The following SH3RF2 variants were observed in gnomAD, a reference collection of about 807,000 sequenced individuals.
The protein encoded by SH3RF2 is SH3 domain containing ring finger 2, also known as E3 ubiquitin-protein ligase SH3RF2.
A neutral mutation model predicts 59.0 loss-of-function variants in SH3RF2; 43 were observed. That is an observed-to-expected ratio of 0.73 (90% CI 0.57 to 0.94). SH3RF2 has a LOEUF of 0.94. Among genes scored for constraint, SH3RF2 ranks in the 40% least tolerant of loss-of-function variants. The probability of loss-of-function intolerance (pLI) is 0.00; values close to 1 mark genes in which losing one functional copy is unlikely to be tolerated. For missense variants in SH3RF2, 930 were observed against 940.1 expected, an observed-to-expected ratio of 0.99 and a Z score of 0.14; for synonymous variants, 391 against 391.5, an observed-to-expected ratio of 1.00 and a Z score of 0.01.
Position 146,047,866 on chromosome 5 carries a change from G to A in SH3RF2, c.1151+3G>A, listed in dbSNP as rs765438493. 7.4e-6 allele frequency: 12 copies of A among 1,613,694 alleles called. No individual in the cohort carries two copies. Among genetic ancestry groups the A allele is most frequent in the Non-Finnish European group, 9.3e-6 (11 of 1,179,944 alleles). ...CAGCAACACCTCTCAGCGAACATGT[G>A]AGTAAAAGGCTCATCCCTTCACCCA... is the stretch of plus-strand genomic sequence containing the variant. On this transcript the variant is annotated splice_donor_region_variant and intron_variant, in intron 6 of 9. Coordinates refer to ENST00000359120, the MANE Select transcript of SH3RF2 (RefSeq NM_152550.4).
At chr5:146,040,806 A>G (rs1448144265) in intron 5 of SH3RF2, among the ~76,000 whole-genome samples, 3 of 152,134 alleles carry the variant, frequency 2.0e-5, no homozygotes, top group African/African-American at 7.2e-5. Context: ...CTGGCTCTGA[A>G]ATAGGCGTAG....
intron 5 of SH3RF2, among the ~76,000 whole-genome samples, chr5:146,045,131 A>G (rs1054101468): frequency 7.2e-5 from 11 of 152,228 alleles, no homozygotes; most frequent in Non-Finnish European, 8.8e-5. Context: ...TTCCACATAC[A>G]TAAGCCCTGT....
chr5:146,047,644 T>A (rs1762353479), intron 5 of SH3RF2, 128 bp from the exon 6 acceptor site: 1 of 778,274 alleles, frequency 1.3e-6, no homozygotes. Flanking sequence ...GGACGCACAA[T>A]GGGTGGCACC....
Position 145,985,497 on chromosome 5 carries a change from C to A in SH3RF2, c.379-14561C>A, listed in dbSNP as rs79397006. On this transcript the variant is annotated intron_variant, in intron 2 of 9. Coordinates refer to ENST00000359120, the MANE Select transcript of SH3RF2 (RefSeq NM_152550.4). ...ACGACAGCCTATCAGCTTGTGGCAC[C>A]TTTACCTCACTGGCAATTTTGAGGA... Among the ~76,000 whole-genome samples, 660 of 152,210 alleles carry A rather than the reference C, an allele frequency of 4.3e-3. 12 individuals are homozygous for A. The highest frequency in any genetic ancestry group is 0.014 in the African/African-American group (596 of 41,530).
chr5:146,014,565 G>A (rs1046593851), intron 5 of SH3RF2, among the ~76,000 whole-genome samples: 1 of 152,154 alleles, frequency 6.6e-6, no homozygotes, highest in African/African-American at 2.4e-5. Context: ...ACATTTATAG[G>A]ACCCAGTCCA....
chr5:146,076,257 T>A (rs1476109142), intron 9 of SH3RF2, among the ~76,000 whole-genome samples: 1 of 152,134 alleles, frequency 6.6e-6, no homozygotes, highest in African/African-American at 2.4e-5. Context: ...GATGCTGTAA[T>A]CTGGGAGGGG....
intron 2 of SH3RF2, among the ~76,000 whole-genome samples, chr5:145,939,165 C>T (rs1457210738): frequency 6.6e-6 from 1 of 152,216 alleles, no homozygotes; most frequent in Non-Finnish European, 1.5e-5. Context: ...GGACATGGTC[C>T]TTGTGAGTCC....
chr5:145,952,281 A>G (rs1352406776), intron 2 of SH3RF2, among the ~76,000 whole-genome samples: 1 of 152,190 alleles, frequency 6.6e-6, no homozygotes, highest in South Asian at 2.1e-4. Context: ...AGGTCATACC[A>G]GGAAGAATTG....
intron 7 of SH3RF2, among the ~76,000 whole-genome samples, chr5:146,053,250 T>C (rs1270978705): frequency 6.6e-6 from 1 of 152,232 alleles, no homozygotes; most frequent in Non-Finnish European, 1.5e-5. Flanking sequence ...TGTCCAGCTG[T>C]TATTGACCAC....
Position 146,049,068 on chromosome 5 carries a change from T to C in SH3RF2, c.1152-7T>C. ...TCCTCCCTCACCAGTTCTCTGTGTC[T>C]TCCCAGGTTTGTAGCCCTGCACTCC... is the stretch of plus-strand genomic sequence containing the variant. On this transcript the variant is annotated splice_polypyrimidine_tract_variant and splice_region_variant and intron_variant, in intron 6 of 9. Coordinates refer to ENST00000359120, the MANE Select transcript of SH3RF2 (RefSeq NM_152550.4). 6.2e-7 allele frequency: 1 copy of C among 1,614,046 alleles called. No homozygotes were observed. Among genetic ancestry groups the C allele is most frequent in the East Asian group, 2.2e-5 (1 of 44,874 alleles).
chr5:146,045,890 T>A lies in SH3RF2; in HGVS notation c.1060-1882T>A, dbSNP rs146834068. Among the ~76,000 whole-genome samples the A allele has an allele frequency of 2.1e-3, 321 of 152,354 alleles. 2 individuals carry two copies. Among genetic ancestry groups the A allele is most frequent in the African/African-American group, 7.5e-3 (311 of 41,588 alleles). ...ATGGTAATCCTATGTTTAATCATAT[T>A]AGGAATTGCCAGACTGTTCTGCATA... On this transcript the variant is annotated intron_variant, in intron 5 of 9. Transcript: ENST00000359120.
chr5:146,001,778 G>A (rs1370671193), intron 3 of SH3RF2, among the ~76,000 whole-genome samples: 1 of 152,160 alleles, frequency 6.6e-6, no homozygotes, highest in Non-Finnish European at 1.5e-5. Context: ...ACACTGAGCT[G>A]GCAATCTAGT....
At chr5:145,987,392 A>G (rs1424827063) in intron 2 of SH3RF2, among the ~76,000 whole-genome samples, 2 of 152,124 alleles carry the variant, frequency 1.3e-5, no homozygotes, top group Non-Finnish European at 2.9e-5. Flanking sequence ...ATGCCTTTGC[A>G]TCTTCATAGC....
downstream of SH3RF2, among the ~76,000 whole-genome samples, chr5:146,067,736 T>C (rs1404774234): frequency 6.6e-6 from 1 of 152,132 alleles, no homozygotes; most frequent in African/African-American, 2.4e-5. Context: ...AAGAGGTTTG[T>C]ACTGATAGGT....
intron 3 of SH3RF2, 118 bp from the exon 4 acceptor site, chr5:146,003,940 A>C: frequency 1.5e-6 from 1 of 687,272 alleles, no homozygotes; most frequent in Non-Finnish European, 2.3e-6. Context: ...CAAATAAATC[A>C]AGCACAAGCT....
rs978195660 is a variant in SH3RF2, at chr5:145,963,030, T to G, written c.378+24724T>G. On this transcript the variant is annotated intron_variant, in intron 2 of 9. Coordinates refer to ENST00000359120, the MANE Select transcript of SH3RF2 (RefSeq NM_152550.4). The stretch of plus-strand genomic sequence containing the variant: ...CTCCTGTCTCAGCCACCCGAGTAGC[T>G]GGGACTACATGCAGCTGCCACCACA... Among the ~76,000 whole-genome samples, 5 of 151,592 alleles carry G rather than the reference T, an allele frequency of 3.3e-5. No homozygotes were observed. The South Asian group carries it at 1.0e-3, about 32-fold the overall frequency.
In SH3RF2 at chr5:145,964,340, T is replaced by C. The variant is rs1368343572; in HGVS notation, c.378+26034T>C. Among the ~76,000 whole-genome samples the C allele has an allele frequency of 3.4e-5, 5 of 147,680 alleles. No individual in the cohort carries two copies. The East Asian group carries it at 9.9e-4, about 29-fold the overall frequency. ...TTTTTTTTTTTTGACAGAGTCTTGC[T>C]CTGTTGCCCAAGCTGGAGTGCAGTG... is the stretch of plus-strand genomic sequence containing the variant. On this transcript the variant is annotated intron_variant, in intron 2 of 9. Transcript: ENST00000359120.
At position 146,047,838 on chromosome 5, in the gene SH3RF2, T is replaced by G. The variant is rs761220336; in HGVS notation, c.1126T>G (p.Ser376Ala). The G allele has an allele frequency of 2.5e-6, 4 of 1,614,086 alleles. No homozygotes were observed. The Admixed American group carries it at 6.7e-5, about 27-fold the overall frequency. ...HSTAVVSLPGSQQHLSANMFV... is the reference protein window; with the variant it reads ...HSTAVVSLPGAQQHLSANMFV... ...CACAGCCGTGGTCAGTCTGCCTGGC[T>G]CCCAGCAACACCTCTCAGCGAACAT... The change falls in exon 6 of 10, where the codon TCC (serine) becomes GCC (alanine). Residue 376 changes from serine to alanine, a missense_variant. Transcript: ENST00000359120.
At chr5:145,992,244 G>A (rs1259285440) in intron 2 of SH3RF2, among the ~76,000 whole-genome samples, 1 of 152,048 alleles carries the variant, frequency 6.6e-6, no homozygotes, top group Non-Finnish European at 1.5e-5. Flanking sequence ...GCGTGGTGGT[G>A]CACACCTGTA....
Sources: allele counts gnomAD v4.1 joint callset (sites outside exome capture counted in the v4.1 genomes callset), GRCh38; gene constraint gnomAD v4.1.1; transcripts MANE v1.5; gene names NCBI Gene and HGNC (gene_info 2026-07-23, HGNC 2026-07-21).